Variants in NUP58 observed in about 807,000 individuals in gnomAD.
The protein encoded by NUP58 is nucleoporin 58.
A neutral mutation model predicts 70.1 loss-of-function variants in NUP58; 17 were observed. The ratio of observed to expected loss-of-function variants is 0.24; its 90% CI spans 0.17 to 0.36. The LOEUF (loss-of-function observed/expected upper bound fraction) is 0.36. Among genes scored for constraint, NUP58 ranks in the 10% least tolerant of loss-of-function variants. The probability of loss-of-function intolerance (pLI) is 1.00; values close to 1 mark genes in which losing one functional copy is unlikely to be tolerated. For missense variants in NUP58, 644 were observed against 701.5 expected, an observed-to-expected ratio of 0.92 and a Z score of 0.93; for synonymous variants, 275 against 257.6, an observed-to-expected ratio of 1.07 and a Z score of -0.65.
chr13:25,316,647 C>T (rs2030944690), intron 6 of NUP58, among the ~76,000 whole-genome samples: 1 of 152,120 alleles, frequency 6.6e-6, no homozygotes, highest in Non-Finnish European at 1.5e-5. Flanking sequence ...GGAAAGCAGC[C>T]TTAGCAGCTT....
At chr13:25,324,961 T>TG (rs1437611510) in intron 9 of NUP58, 28 bp from the exon 10 acceptor site, 1 of 1,459,260 alleles carries the variant, frequency 6.9e-7, no homozygotes, top group South Asian at 1.2e-5. Flanking sequence ...GGCTTTTTTT[T>TG]TTTTTTTTAA....
At chr13:25,331,121 GAC>G (rs1414772705) in intron 12 of NUP58, among the ~76,000 whole-genome samples, 1 of 152,034 alleles carries the variant, frequency 6.6e-6, no homozygotes, top group Non-Finnish European at 1.5e-5. Context: ...GCCTCACAAA[GAC>G]AGTATTTTAG....
At chr13:25,305,136 T>TC in intron 1 of NUP58, among the ~76,000 whole-genome samples, 1 of 11,562 alleles carries the variant, frequency 8.6e-5, no homozygotes, top group Non-Finnish European at 5.8e-4. Flanking sequence ...TGGGGTTTTT[T>TC]TTTTTTTTTT....
chr13:25,320,606 A>G lies in NUP58; in HGVS notation c.776+11A>G. On this transcript the variant is annotated intron_variant, in intron 8 of 15. Coordinates refer to ENST00000381736, the MANE Select transcript of NUP58 (RefSeq NM_014089.4). Reference sequence around the variant, plus strand: ...TGTTGAAAATCTCCAGTAAGTGTCAAATATAATTAGATAAATAACACTTGA... The same window carrying G: ...TGTTGAAAATCTCCAGTAAGTGTCAGATATAATTAGATAAATAACACTTGA... 1.9e-6 allele frequency: 3 copies of G among 1,565,184 alleles called. No homozygotes were observed. The South Asian group carries it at 3.4e-5, about 17-fold the overall frequency.
downstream of NUP58, among the ~76,000 whole-genome samples, chr13:25,345,569 GGATGA>G (rs2032039184): frequency 3.2e-5 from 2 of 61,722 alleles, no homozygotes; most frequent in African/African-American, 8.8e-5. Context: ...CCCAGCAACT[GGATGA>G]TGGGGGCGGT....
chr13:25,312,009 A>G (rs1593179344), intron 3 of NUP58, among the ~76,000 whole-genome samples: 2 of 152,328 alleles, frequency 1.3e-5, no homozygotes, highest in African/African-American at 2.4e-5. Context: ...GAACTAGACA[A>G]TGAGGACTTA....
At chr13:25,320,868 A>G in intron 8 of NUP58, 51 bp from the exon 9 acceptor site, 2 of 1,195,250 alleles carry the variant, frequency 1.7e-6, no homozygotes, top group Non-Finnish European at 2.3e-6. Flanking sequence ...TATTTTGTGT[A>G]GGAAACCAAA....
chr13:25,347,995 A>G (rs2032069972), intron 3 of NUP58, among the ~76,000 whole-genome samples: 2 of 152,184 alleles, frequency 1.3e-5, no homozygotes, highest in Non-Finnish European at 2.9e-5. Context: ...GTGGATATCT[A>G]TTATAATCCA....
At chr13:25,336,148 A>C in intron 13 of NUP58, 1 of 1,328,202 alleles carries the variant, frequency 7.5e-7, no homozygotes, top group Non-Finnish European at 9.9e-7. Flanking sequence ...GAAATCTTGA[A>C]TGTATTGAAT....
chr13:25,305,130 G>GTTTTTTTTTTTTTTTTTTTTTTTT (rs562132125), intron 1 of NUP58, among the ~76,000 whole-genome samples: 4 of 58,572 alleles, frequency 6.8e-5, no homozygotes, highest in African/African-American at 2.1e-4. Context: ...GATCTGTGGG[G>GTTTTTTTTTTTTTTTTTTTTTTTT]TTTTTTTTTT....
chr13:25,335,971 GT>G (rs1341990736), intron 13 of NUP58: 153 of 1,098,994 alleles, frequency 1.4e-4, no homozygotes, highest in Non-Finnish European at 1.6e-4. Flanking sequence ...ATTCTGCTTA[GT>G]TTTAAAAAAA....
chr13:25,336,195 ATTACT>A (rs768592624), intron 13 of NUP58: 17 of 1,366,266 alleles, frequency 1.2e-5, no homozygotes, highest in Admixed American at 1.9e-5. Context: ...GTAAATGTTC[ATTACT>A]TTATTTAATC....
chr13:25,316,672 G>A (rs1171399568), intron 6 of NUP58, among the ~76,000 whole-genome samples: 2 of 152,172 alleles, frequency 1.3e-5, no homozygotes, highest in Non-Finnish European at 2.9e-5. Flanking sequence ...GTTTACTCAA[G>A]TGGAATAGCT....
At chr13:25,332,090 A>G (rs1170018286) in intron 13 of NUP58, 1 of 993,148 alleles carries the variant, frequency 1.0e-6, no homozygotes, top group Non-Finnish European at 1.2e-6. Context: ...TAAACAGAAT[A>G]CAAGCCCTCT....
Position 25,315,395 on chromosome 13 carries a change from A to G in NUP58, c.613A>G (p.Thr205Ala). 6.2e-7 allele frequency: 1 copy of G among 1,613,992 alleles called. No homozygotes were observed. The highest frequency in any genetic ancestry group is 1.1e-5 in the South Asian group (1 of 91,086). ...TGCTTTAGGGTTGACTTTGGGAACT[A>G]CAGCAGCTACTTCAACTGCAGGCAA... ...QNALGLTLGT[T>A]AATSTAGNEG... The change falls in exon 6 of 16, where the codon ACA becomes GCA. Residue 205 changes from threonine (T) to alanine (A), a missense_variant. By Grantham distance (58) the Thr-to-Ala change is moderately conservative (BLOSUM62 0). Around this residue, in one of 4 missense-constraint regions of NUP58, gnomAD observed 430 missense variants for 409.2 expected, o/e 1.05. Coordinates refer to ENST00000381736, the MANE Select transcript of NUP58 (RefSeq NM_014089.4).
At chr13:25,337,861 C>A (rs1487042445) in intron 14 of NUP58, among the ~76,000 whole-genome samples, 1 of 152,158 alleles carries the variant, frequency 6.6e-6, no homozygotes, top group Non-Finnish European at 1.5e-5. Flanking sequence ...GATACTGTCA[C>A]ACTCAGTATT....
intron 13 of NUP58, chr13:25,334,307 TG>T: frequency 3.0e-6 from 3 of 985,394 alleles, no homozygotes; most frequent in Non-Finnish European, 3.6e-6. Context: ...GCAATGTATC[TG>T]GGATTGAGTT....
chr13:25,327,126 G>GC, intron 11 of NUP58, 92 bp downstream of exon 11: 1 of 680,688 alleles, frequency 1.5e-6, no homozygotes, highest in African/African-American at 1.8e-5. Context: ...ACTACTGGTA[G>GC]CCCCTTTAAG....
At chr13:25,335,530 G>A (rs778366591) in intron 13 of NUP58, 129 of 984,976 alleles carry the variant, frequency 1.3e-4, no homozygotes, top group Non-Finnish European at 1.5e-4. Context: ...CAAAAGAGCT[G>A]CTAGGCAGGT....
Sources: allele counts gnomAD v4.1 joint callset (sites outside exome capture counted in the v4.1 genomes callset), GRCh38; gene constraint gnomAD v4.1.1; regional missense constraint gnomAD v4.1.1; transcripts MANE v1.5; gene names NCBI Gene and HGNC (gene_info 2026-07-23, HGNC 2026-07-21).